The following IL33 variants were observed in gnomAD, a reference collection of about 807,000 sequenced individuals.
IL33 encodes the protein interleukin 33, also known as interleukin-33.
IL33 carries 37 observed loss-of-function variants against 27.3 expected under a neutral mutation model. That is an observed-to-expected ratio of 1.36 (90% CI 1.04 to 1.78). IL33 has a LOEUF of 1.78. IL33 is among the 40% of genes most tolerant of loss of function. The pLI is 0.00. For missense variants in IL33, 406 were observed against 311.4 expected, an observed-to-expected ratio of 1.30 and a Z score of -2.29; for synonymous variants, 132 against 102.9, an observed-to-expected ratio of 1.28 and a Z score of -1.71.
chr9:6,231,927 G>C (rs549679943), intron 1 of IL33, among the ~76,000 whole-genome samples: 2 of 152,218 alleles, frequency 1.3e-5, no homozygotes, highest in African/African-American at 2.4e-5. Flanking sequence ...TGCATTTTTA[G>C]TAAGAATTTC....
intron 1 of IL33, among the ~76,000 whole-genome samples, chr9:6,220,177 A>C (rs565309647): frequency 6.6e-6 from 1 of 152,268 alleles, no homozygotes; most frequent in Admixed American, 6.5e-5. Flanking sequence ...TCCAGAACTA[A>C]GAAGTTCACC....
At chr9:6,243,494 C>T (rs1226517378) in intron 2 of IL33, among the ~76,000 whole-genome samples, 1 of 152,158 alleles carries the variant, frequency 6.6e-6, no homozygotes, top group Non-Finnish European at 1.5e-5. Flanking sequence ...GCTGGAATTA[C>T]AGGCACACAC....
intron 1 of IL33, among the ~76,000 whole-genome samples, chr9:6,228,009 C>G (rs1818726239): frequency 6.6e-6 from 1 of 152,182 alleles, no homozygotes; most frequent in African/African-American, 2.4e-5. Context: ...CTTGATCCCT[C>G]TGTACCTCAG....
intron 4 of IL33, 54 bp from the exon 5 acceptor site, chr9:6,252,811 TA>T: frequency 4.4e-6 from 7 of 1,587,650 alleles, no homozygotes; most frequent in Non-Finnish European, 6.0e-6. Context: ...GAGCATTTTT[TA>T]AAAAGGTTGC....
chr9:6,250,112 T>G (rs999671811), intron 2 of IL33, among the ~76,000 whole-genome samples: 1 of 152,164 alleles, frequency 6.6e-6, no homozygotes, highest in Non-Finnish European at 1.5e-5. Context: ...CAGAACTTAT[T>G]TGACAGCAAA....
intron 1 of IL33, among the ~76,000 whole-genome samples, chr9:6,240,457 G>A (rs979946534): frequency 1.3e-5 from 2 of 152,198 alleles, no homozygotes; most frequent in African/African-American, 4.8e-5. Context: ...ATTTGCAGAG[G>A]AAGCCTTCAG....
chr9:6,216,837 T>C (rs1271972766), intron 1 of IL33, among the ~76,000 whole-genome samples: 1 of 152,202 alleles, frequency 6.6e-6, no homozygotes, highest in Admixed American at 6.5e-5. Context: ...AATTGTTCTT[T>C]AGTTCTTTTT....
At chr9:6,234,591 G>A (rs1371025236) in intron 1 of IL33, among the ~76,000 whole-genome samples, 1 of 152,128 alleles carries the variant, frequency 6.6e-6, no homozygotes, top group East Asian at 1.9e-4. Context: ...AGGAATCTCT[G>A]GGGCCCTTAC....
In IL33 at chr9:6,242,643, A is replaced by G. The variant is rs1171113647; in HGVS notation, c.91+858A>G. ...TTTATCAATGAAAATACCACTACTA[A>G]AAACATAAATAGAATGATGTCTTTT... is the stretch of plus-strand genomic sequence containing the variant. On this transcript the variant is annotated intron_variant, in intron 2 of 7. Coordinates refer to ENST00000682010, the MANE Select transcript of IL33 (RefSeq NM_033439.4). 2.6e-5 allele frequency: 4 copies of G among 152,208 alleles called. No individual in the cohort carries two copies. In the South Asian group the frequency reaches 6.2e-4, roughly 24 times the overall value. The allele number at this position is 152,208 out of a possible 1,614,324, so 9.4% of individuals were successfully genotyped here.
intron 2 of IL33, among the ~76,000 whole-genome samples, chr9:6,243,576 A>T (rs1819656735): frequency 6.6e-6 from 1 of 152,082 alleles, no homozygotes; most frequent in Non-Finnish European, 1.5e-5. Context: ...GCTGGTCTTG[A>T]ACTCCTGGCC....
chr9:6,253,078 G>T, intron 5 of IL33, 87 bp downstream of exon 5: 1 of 941,128 alleles, frequency 1.1e-6, no homozygotes, highest in African/African-American at 1.7e-5. Context: ...TTAAACAATG[G>T]ATTAACTTAG....
intron 1 of IL33, among the ~76,000 whole-genome samples, chr9:6,225,341 G>A (rs1001972612): frequency 6.6e-6 from 1 of 152,046 alleles, no homozygotes; most frequent in East Asian, 1.9e-4. Flanking sequence ...ATTTTTCTTT[G>A]TTGTTGCTGA....
Position 6,257,280 on chromosome 9 carries a change from T to C in IL33, c.*1112T>C, listed in dbSNP as rs1215076444. ...GTCTTTTTGTATTCCAGCTTCCTGA[T>C]AACACTGCTTACTGTGGAATATTCA... is the stretch of plus-strand genomic sequence containing the variant. On this transcript the variant is annotated 3_prime_UTR_variant, in exon 8 of 8. Transcript: ENST00000682010. The C allele has an allele frequency of 6.6e-6, 1 of 152,336 alleles. No individual in the cohort carries two copies. Among genetic ancestry groups the C allele is most frequent in the Admixed American group, 6.5e-5 (1 of 15,286 alleles). 9.4% of individuals were successfully genotyped at this position (152,336 alleles called of 1,614,324 possible).
At chr9:6,255,931 A>G (rs1816699941) in intron 7 of IL33, 37 bp from the exon 8 acceptor site, 2 of 1,561,042 alleles carry the variant, frequency 1.3e-6, no homozygotes, top group Admixed American at 3.4e-5. Context: ...TGAACTTCCC[A>G]TTCACATATG....
rs766680251 is a variant in IL33, at chr9:6,255,958, G to A, written c.613-10G>A. On this transcript the variant is annotated splice_polypyrimidine_tract_variant and intron_variant, in intron 7 of 7. Coordinates refer to ENST00000682010, the MANE Select transcript of IL33 (RefSeq NM_033439.4). Reference sequence around the variant, plus strand: ...TCACATATGGATTGCTTTCTCTCTTGTTTCCTCAGCTCCATAAGTGTGAAA... The same window carrying A: ...TCACATATGGATTGCTTTCTCTCTTATTTCCTCAGCTCCATAAGTGTGAAA... 31 of 1,611,774 alleles carry A rather than the reference G, an allele frequency of 1.9e-5. No individual in the cohort carries two copies. Among genetic ancestry groups the A allele is most frequent in the Non-Finnish European group, 2.3e-5 (27 of 1,178,340 alleles).
chr9:6,255,509 A>G (rs1816673365), intron 7 of IL33, among the ~76,000 whole-genome samples: 1 of 152,166 alleles, frequency 6.6e-6, no homozygotes. Flanking sequence ...GTATTGGTCA[A>G]CTGTTGCTAT....
rs763716717 is a variant in IL33, at chr9:6,253,553, T to G, written c.471T>G (p.Asp157Glu). 2.5e-6 allele frequency: 4 copies of G among 1,601,984 alleles called. No homozygotes were observed. The African/African-American group carries it at 5.4e-5, about 21-fold the overall frequency. Residue 157 changes from aspartate to glutamate, a missense_variant and splice_region_variant, in exon 6 of 8, where the codon GAT becomes GAG. Physicochemically the swap from Asp to Glu is conservative, Grantham distance 45 (BLOSUM62 2). Transcript: ENST00000682010. ...VEDLKKDEKK[D>E]KVLLSYYESQ... Reference sequence around the variant, plus strand: ...GGGATTTTATGCATTCTCTTTCAGATAAGGTGTTACTGAGTTACTATGAGT... The same window carrying G: ...GGGATTTTATGCATTCTCTTTCAGAGAAGGTGTTACTGAGTTACTATGAGT...
At chr9:6,233,470 T>G (rs865976306) in intron 1 of IL33, among the ~76,000 whole-genome samples, 1 of 152,196 alleles carries the variant, frequency 6.6e-6, no homozygotes, top group Non-Finnish European at 1.5e-5. Context: ...GGAAATATTA[T>G]GTAAGTTTTC....
intron 1 of IL33, among the ~76,000 whole-genome samples, chr9:6,229,223 G>C (rs1263523628): frequency 6.6e-6 from 1 of 152,094 alleles, no homozygotes; most frequent in African/African-American, 2.4e-5. Flanking sequence ...GAGAGCTGTA[G>C]GGACTTGAGG....
Sources: allele counts gnomAD v4.1 joint callset (sites outside exome capture counted in the v4.1 genomes callset), GRCh38; gene constraint gnomAD v4.1.1; transcripts MANE v1.5; gene names NCBI Gene and HGNC (gene_info 2026-07-23, HGNC 2026-07-21).